Variants in GRIA3 observed in about 807,000 individuals in gnomAD.
GRIA3 encodes the protein glutamate ionotropic receptor AMPA type subunit 3.
A neutral mutation model predicts 63.0 loss-of-function variants in GRIA3; 3 were observed. The ratio of observed to expected loss-of-function variants is 0.05; its 90% CI spans 0.02 to 0.12. The LOEUF (loss-of-function observed/expected upper bound fraction) is 0.12. Ranked by LOEUF, GRIA3 falls within the 10% of genes least tolerant of loss-of-function variation. GRIA3 has a pLI of 1.00. For synonymous variants in GRIA3, 274 were observed against 257.9 expected (o/e 1.06, Z -0.60); for missense variants, 347 against 700.9 (o/e 0.50, Z 5.70).
At chrX:123,353,327 C>A (rs2045110824) in intron 4 of GRIA3, among the ~76,000 whole-genome samples, 1 of 111,865 alleles carries the variant, frequency 8.9e-6, no homozygotes, top group Non-Finnish European at 1.9e-5. Flanking sequence ...GGCAAATGGA[C>A]CCAGATTCCA....
chrX:123,484,395 C>T (rs1247531182), intron 15 of GRIA3, among the ~76,000 whole-genome samples: 1 of 112,053 alleles, frequency 8.9e-6, no homozygotes, highest in Non-Finnish European at 1.9e-5. Flanking sequence ...GAGTAAATGT[C>T]AATATGCTGG....
At chrX:123,308,654 C>T (rs928877400) in intron 3 of GRIA3, among the ~76,000 whole-genome samples, 2 of 111,327 alleles carry the variant, frequency 1.8e-5, no homozygotes, top group Admixed American at 1.9e-4. Context: ...CTTCTTAGGA[C>T]TTGGGTTACT....
intron 2 of GRIA3, among the ~76,000 whole-genome samples, chrX:123,247,430 C>T (rs1207245258): frequency 9.0e-6 from 1 of 111,605 alleles, no homozygotes; most frequent in Non-Finnish European, 1.9e-5. Context: ...TTGCTTGCCA[C>T]TCACCATTGA....
chrX:123,337,457 C>T (rs1417251190), intron 4 of GRIA3, among the ~76,000 whole-genome samples: 1 of 111,818 alleles, frequency 8.9e-6, no homozygotes, highest in African/African-American at 3.3e-5. Context: ...AATGGGATCC[C>T]TTTCAGAGTT....
intron 2 of GRIA3, among the ~76,000 whole-genome samples, chrX:123,210,310 A>G (rs756533082): frequency 1.8e-5 from 2 of 109,821 alleles, no homozygotes; most frequent in South Asian, 7.9e-4. Context: ...CTAATCTACC[A>G]ACATTTCTCT....
intron 2 of GRIA3, among the ~76,000 whole-genome samples, chrX:123,220,679 T>C (rs759140101): frequency 8.9e-6 from 1 of 112,334 alleles, no homozygotes; most frequent in Non-Finnish European, 1.9e-5. Context: ...AATTCTACTC[T>C]TGACTCTGCT....
chrX:123,489,414 G>C lies in GRIA3; in HGVS notation c.*704G>C. ...TTCTCTGTGTTCTTGAAATGGTTTT[G>C]TGAAAATGCTTTGATAACTTCCCAC... is the stretch of plus-strand genomic sequence containing the variant. On this transcript the variant is annotated 3_prime_UTR_variant, in exon 16 of 16. Transcript: ENST00000620443. The C allele has an allele frequency of 8.9e-6, 1 of 112,708 alleles. No homozygotes were observed. Among genetic ancestry groups the C allele is most frequent in the Non-Finnish European group, 1.9e-5 (1 of 53,318 alleles). 9.3% of individuals were successfully genotyped at this position (112,708 alleles called of 1,213,427 possible).
chrX:123,428,630 G>A (rs1232254874), intron 12 of GRIA3, among the ~76,000 whole-genome samples: 2 of 112,028 alleles, frequency 1.8e-5, no homozygotes, highest in Non-Finnish European at 3.8e-5. Context: ...CTATTGAGAT[G>A]TATTACAATT....
At chrX:123,343,585 G>C (rs2045023079) in intron 4 of GRIA3, among the ~76,000 whole-genome samples, 1 of 108,226 alleles carries the variant, frequency 9.2e-6, no homozygotes, top group South Asian at 3.9e-4. Flanking sequence ...GAGAGAGAGA[G>C]AGAAAGACAG....
chrX:123,359,411 T>C (rs1051927419), intron 5 of GRIA3, among the ~76,000 whole-genome samples: 1 of 111,574 alleles, frequency 9.0e-6, no homozygotes, highest in Non-Finnish European at 1.9e-5. Context: ...CTGTCGCTTC[T>C]AGATCTACAT....
chrX:123,282,477 T>C (rs1211412494), intron 3 of GRIA3, among the ~76,000 whole-genome samples: 3 of 112,404 alleles, frequency 2.7e-5, no homozygotes, highest in African/African-American at 9.7e-5. Flanking sequence ...TCTCTAGAAA[T>C]AGGAAAACCC....
intron 10 of GRIA3, among the ~76,000 whole-genome samples, chrX:123,408,248 G>T (rs1304161463): frequency 1.8e-5 from 2 of 111,776 alleles, no homozygotes; most frequent in Non-Finnish European, 3.8e-5. Context: ...TTACAGGTGT[G>T]AGTCACCACG....
At chrX:123,459,142 C>A (rs925611281) in intron 12 of GRIA3, among the ~76,000 whole-genome samples, 4 of 111,485 alleles carry the variant, frequency 3.6e-5, no homozygotes, top group African/African-American at 1.3e-4. Flanking sequence ...AAAAAATCAT[C>A]CCATTTTATG....
At chrX:123,449,791 A>G (rs986127380) in intron 12 of GRIA3, among the ~76,000 whole-genome samples, 30 of 111,878 alleles carry the variant, frequency 2.7e-4, no homozygotes, top group African/African-American at 9.4e-4. Flanking sequence ...GTTAACTTTA[A>G]TTCTAATCTG....
intron 2 of GRIA3, among the ~76,000 whole-genome samples, chrX:123,220,742 T>C (rs1928268540): frequency 8.9e-6 from 1 of 112,232 alleles, no homozygotes; most frequent in Non-Finnish European, 1.9e-5. Flanking sequence ...ATTTTCCTCT[T>C]TTTATCAAAT....
chrX:123,378,524 C>T (rs1282615448), intron 5 of GRIA3, among the ~76,000 whole-genome samples: 1 of 108,735 alleles, frequency 9.2e-6, no homozygotes, highest in African/African-American at 3.4e-5. Flanking sequence ...TATTCTTGTG[C>T]CTCAGCCTCT....
intron 12 of GRIA3, among the ~76,000 whole-genome samples, chrX:123,437,664 G>T (rs12854537): frequency 9.1e-6 from 1 of 110,042 alleles, no homozygotes; most frequent in Admixed American, 9.7e-5. Context: ...GATTCATTTT[G>T]GAGGTAGAGT....
Position 123,398,590 on chromosome X carries a change from G to A in GRIA3, c.913-46G>A, listed in dbSNP as rs146388240. The stretch of plus-strand genomic sequence containing the variant: ...TTATAAGAAACAAGGCAAATTTTGA[G>A]GGTATCATTTATCATGATATCTTGT... On this transcript the variant is annotated intron_variant, in intron 6 of 15. Transcript: ENST00000620443. 5.9e-4 allele frequency: 633 copies of A among 1,067,000 alleles called. 4 individuals carry two copies. The African/African-American group carries it at 9.0e-3, about 15-fold the overall frequency. The allele number at this position is 1,067,000 out of a possible 1,213,427, so 87.9% of individuals were successfully genotyped here.
At chrX:123,250,876 G>T (rs1268950614) in intron 2 of GRIA3, among the ~76,000 whole-genome samples, 1 of 112,025 alleles carries the variant, frequency 8.9e-6, no homozygotes, top group African/African-American at 3.2e-5. Flanking sequence ...TGAAAATCTT[G>T]TTTTTATTTG....
Sources: gnomAD v4.1 joint callset for allele counts (sites outside exome capture counted in the v4.1 genomes callset) on GRCh38, gnomAD v4.1.1 for gene constraint, MANE v1.5 for transcripts, NCBI Gene and HGNC (gene_info 2026-07-23, HGNC 2026-07-21) for gene names.